ST3GAL6: variants seen among roughly 807,000 people sequenced by gnomAD.
ST3GAL6 encodes type 2 lactosamine alpha-2,3-sialyltransferase.
Under a neutral mutation model 40.5 loss-of-function variants are expected in ST3GAL6, and 31 were observed. That is an observed-to-expected ratio of 0.77 (90% CI 0.58 to 1.03). The LOEUF (loss-of-function observed/expected upper bound fraction) is 1.03. Among genes scored for constraint, ST3GAL6 ranks in the 50% least tolerant of loss-of-function variants. ST3GAL6 has a pLI of 0.00. For missense variants in ST3GAL6, 357 were observed against 393.2 expected, an observed-to-expected ratio of 0.91 and a Z score of 0.78; for synonymous variants, 129 against 136.9, an observed-to-expected ratio of 0.94 and a Z score of 0.40.
chr3:98,741,695 A>G (rs945110857), intron 1 of ST3GAL6, among the ~76,000 whole-genome samples: 4 of 152,190 alleles, frequency 2.6e-5, no homozygotes, highest in African/African-American at 9.7e-5. Context: ...GGTCTATATA[A>G]ACAATTTATA....
intron 1 of ST3GAL6, among the ~76,000 whole-genome samples, chr3:98,767,480 T>G (rs1432091004): frequency 6.6e-6 from 1 of 152,156 alleles, no homozygotes; most frequent in African/African-American, 2.4e-5. Flanking sequence ...TTAATAGGCA[T>G]GGATAGGAGT....
upstream of ST3GAL6, among the ~76,000 whole-genome samples, chr3:98,760,261 C>T (rs1364073201): frequency 6.6e-6 from 1 of 152,226 alleles, no homozygotes; most frequent in East Asian, 1.9e-4. Flanking sequence ...CTCAAACACA[C>T]AGATCACATG....
rs369996406 is a variant in ST3GAL6, at chr3:98,766,405, CTTTTTTTTT to C, written c.-11-2001_-11-1993del. On this transcript the variant is annotated intron_variant, in intron 1 of 9. Transcript: ENST00000483910. ...GTTGGATCTTTGCATAAATGTCATT[CTTTTTTTTT>C]TTTTTTTTTTTTTTTTTTTTTTTGG... Among the ~76,000 whole-genome samples the C allele has an allele frequency of 9.8e-3, 1,018 of 103,952 alleles. 2 individuals are homozygous for C. Among genetic ancestry groups the C allele is most frequent in the African/African-American group, 0.039 (956 of 24,274 alleles). 68.2% of individuals were successfully genotyped at this position (103,952 alleles called of 152,430 possible).
chr3:98,747,988 A>G (rs2107320448), intron 1 of ST3GAL6, among the ~76,000 whole-genome samples: 1 of 152,336 alleles, frequency 6.6e-6, no homozygotes, highest in Non-Finnish European at 1.5e-5. Flanking sequence ...CATTTATTAA[A>G]TTAACATTTG....
At chr3:98,760,019 G>A (rs761397757), upstream of ST3GAL6, among the ~76,000 whole-genome samples, 13 of 152,296 alleles carry the variant, frequency 8.5e-5, no homozygotes, top group Middle Eastern at 0.01. Context: ...CTAGAGTGGT[G>A]AGGGAAATTT....
chr3:98,746,215 C>G (rs140250950), intron 1 of ST3GAL6, among the ~76,000 whole-genome samples: 1 of 152,274 alleles, frequency 6.6e-6, no homozygotes, highest in African/African-American at 2.4e-5. Context: ...GGGGTGCCTC[C>G]TGAAGCTTGG....
chr3:98,751,875 G>A (rs1937032623), intron 1 of ST3GAL6, among the ~76,000 whole-genome samples: 1 of 151,986 alleles, frequency 6.6e-6, no homozygotes, highest in Non-Finnish European at 1.5e-5. Flanking sequence ...ACTTTCTTTG[G>A]TAAAATCTAT....
At chr3:98,739,323 CAGA>C (rs967319322) in intron 1 of ST3GAL6, among the ~76,000 whole-genome samples, 3 of 151,632 alleles carry the variant, frequency 2.0e-5, no homozygotes, top group African/African-American at 4.9e-5. Context: ...CTAAAGCTAG[CAGA>C]AGATGAGAAA....
upstream of ST3GAL6, chr3:98,762,748 A>G: frequency 1.0e-6 from 1 of 972,536 alleles, no homozygotes; most frequent in South Asian, 4.8e-5. Context: ...AGTTTTCTAT[A>G]AGCCACAATT....
upstream of ST3GAL6, among the ~76,000 whole-genome samples, chr3:98,762,289 C>T (rs1032388558): frequency 2.6e-5 from 4 of 152,186 alleles, no homozygotes; most frequent in Non-Finnish European, 4.4e-5. Context: ...AAAATGTATA[C>T]AGCTGATCTA....
At chr3:98,753,352 G>A (rs142542555) in intron 1 of ST3GAL6, among the ~76,000 whole-genome samples, 1 of 152,306 alleles carries the variant, frequency 6.6e-6, no homozygotes, top group African/African-American at 2.4e-5. Context: ...TGAGGTTTAA[G>A]GAAAGAAACT....
At chr3:98,792,380 G>C (rs920344946) in intron 9 of ST3GAL6, among the ~76,000 whole-genome samples, 1 of 152,174 alleles carries the variant, frequency 6.6e-6, no homozygotes, top group African/African-American at 2.4e-5. Context: ...AGATGGTGTA[G>C]AATATTTTAA....
chr3:98,772,591 AAGTGTTTTCATTTC>A (rs1281578647), intron 3 of ST3GAL6, among the ~76,000 whole-genome samples: 1 of 152,064 alleles, frequency 6.6e-6, no homozygotes, highest in African/African-American at 2.4e-5. Context: ...AGTGGCTGCA[AAGTGTTTTCATTTC>A]AGTTGTGTAG....
intron 4 of ST3GAL6, 194 bp downstream of exon 4, chr3:98,773,110 C>G (rs1461139839): frequency 5.3e-6 from 2 of 375,480 alleles, no homozygotes; most frequent in Admixed American, 4.3e-5. Context: ...AGTATAGAAC[C>G]AAAGGATAAC....
chr3:98,741,740 A>C (rs1936105393), intron 1 of ST3GAL6, among the ~76,000 whole-genome samples: 1 of 152,178 alleles, frequency 6.6e-6, no homozygotes. Flanking sequence ...CTAAATTTGG[A>C]CTTGGGGCTT....
intron 1 of ST3GAL6, among the ~76,000 whole-genome samples, chr3:98,753,067 C>G (rs949702397): frequency 1.3e-5 from 2 of 152,192 alleles, no homozygotes; most frequent in African/African-American, 4.8e-5. Flanking sequence ...TGAGGAAAGC[C>G]TGTTGAAAGC....
chr3:98,762,645 T>C, upstream of ST3GAL6: 1 of 392,364 alleles, frequency 2.5e-6, no homozygotes, highest in Non-Finnish European at 3.5e-6. Context: ...GATAAATGCA[T>C]AATTTAATGT....
chr3:98,783,125 T>A, intron 5 of ST3GAL6: 1 of 195,822 alleles, frequency 5.1e-6, no homozygotes, highest in Non-Finnish European at 1.0e-5. Context: ...AAATCTACTG[T>A]GAAGAGCATG....
intron 1 of ST3GAL6, among the ~76,000 whole-genome samples, chr3:98,755,116 C>T (rs548929110): frequency 2.6e-5 from 4 of 152,304 alleles, no homozygotes; most frequent in South Asian, 2.1e-4. Flanking sequence ...GGCACAATCT[C>T]GGTTCACTGC....
Sources: gnomAD v4.1 joint callset for allele counts (sites outside exome capture counted in the v4.1 genomes callset) on GRCh38, gnomAD v4.1.1 for gene constraint, MANE v1.5 for transcripts, NCBI Gene and HGNC (gene_info 2026-07-23, HGNC 2026-07-21) for gene names.